The following CRMP1 variants were observed in gnomAD, a reference collection of about 807,000 sequenced individuals.
CRMP1 encodes dihydropyrimidinase-related protein 1.
In CRMP1, 19 loss-of-function variants were observed where a neutral mutation model predicts 68.3. The observed-to-expected ratio is 0.28, with a 90% CI of 0.19 to 0.41. CRMP1 has a LOEUF of 0.41. Among genes scored for constraint, CRMP1 ranks in the 10% least tolerant of loss-of-function variants. The probability of loss-of-function intolerance (pLI) is 1.00; values close to 1 mark genes in which losing one functional copy is unlikely to be tolerated. For synonymous variants in CRMP1, 439 were observed against 399.6 expected (o/e 1.10, Z -1.18); for missense variants, 791 against 967.4 (o/e 0.82, Z 2.42).
At chr4:5,856,968 C>CATCACCACCATCCACTATT (rs1560505808) in intron 3 of CRMP1, among the ~76,000 whole-genome samples, 3 of 146,062 alleles carry the variant, frequency 2.1e-5, no homozygotes, top group African/African-American at 7.8e-5. Flanking sequence ...CATCCACTAT[C>CATCACCACCATCCACTATT]ATCACCACCA....
intron 9 of CRMP1, among the ~76,000 whole-genome samples, chr4:5,837,460 T>TAAA (rs11455180): frequency 0.013 from 1,598 of 124,984 alleles, 41 homozygotes; most frequent in African/African-American, 0.046. Flanking sequence ...TTGTCTCTAC[T>TAAA]AAAAAAAAAA....
chr4:5,868,745 T>C (rs1047716207), intron 1 of CRMP1, among the ~76,000 whole-genome samples: 1 of 152,188 alleles, frequency 6.6e-6, no homozygotes, highest in Non-Finnish European at 1.5e-5. Context: ...GCAATGAACT[T>C]TTTTGTGCAC....
In CRMP1 at chr4:5,821,862, G is replaced by A; in HGVS notation, c.1970-11C>T. 1 of 1,550,610 alleles carries A rather than the reference G, an allele frequency of 6.4e-7. No homozygotes were observed. The highest frequency in any genetic ancestry group is 8.7e-7 in the Non-Finnish European group (1 of 1,153,438). On this transcript the variant is annotated splice_polypyrimidine_tract_variant and intron_variant, in intron 13 of 13. Coordinates refer to ENST00000324989, the MANE Select transcript of CRMP1 (RefSeq NM_001014809.3). This position sits in a 1 kb window ranked among gnomAD's most constrained non-coding sequence, Gnocchi z 4.4. ...CATCTATCTGGGCACCTGAAAGAGA[G>A]CGCCAATCGCTGCTGGATGGGATCT... is the stretch of plus-strand genomic sequence containing the variant.
At chr4:5,828,310 T>C in intron 12 of CRMP1, 179 bp downstream of exon 12, 6 of 984,570 alleles carry the variant, frequency 6.1e-6, no homozygotes, top group Non-Finnish European at 7.2e-6. Context: ...CATTTGATGC[T>C]CACTCCTGTC....
chr4:5,888,941 A>G lies in CRMP1; in HGVS notation c.381+3648T>C, dbSNP rs368062765. ...CCGCTCCCCTCTTGCCTCTCCTTCC[A>G]TAGCCTCCGTTTATCCTTCCCGAGT... On this transcript the variant is annotated intron_variant, in intron 1 of 13. Transcript: ENST00000324989. This position sits in a 1 kb window ranked among gnomAD's most constrained non-coding sequence, Gnocchi z 6.4. Among the ~76,000 whole-genome samples, 10 of 151,776 alleles carry G rather than the reference A, an allele frequency of 6.6e-5. No homozygotes were observed. The highest frequency in any genetic ancestry group is 2.2e-4 in the African/African-American group (9 of 41,306).
At chr4:5,845,549 T>C (rs1577778712) in intron 6 of CRMP1, among the ~76,000 whole-genome samples, 1 of 152,164 alleles carries the variant, frequency 6.6e-6, no homozygotes, top group African/African-American at 2.4e-5. Flanking sequence ...CTTGAGATGC[T>C]CACCGCCCCC....
Position 5,893,009 on chromosome 4 carries a change from CCGCCCG to C in CRMP1, c.-46_-41del. 8.8e-7 allele frequency: 1 copy of C among 1,133,130 alleles called. No homozygotes were observed. The highest frequency in any genetic ancestry group is 1.1e-6 in the Non-Finnish European group (1 of 923,992). 70.2% of individuals were successfully genotyped at this position (1,133,130 alleles called of 1,614,324 possible). On this transcript the variant is annotated 5_prime_UTR_variant, in exon 1 of 14. Coordinates refer to ENST00000324989, the MANE Select transcript of CRMP1 (RefSeq NM_001014809.3). ...GGCCACCCACCGCGCTCCCGCCTGC[CCGCCCG>C]CGGCCCTGGGCACCGCCGTGCGCCG...
chr4:5,822,422 T>C (rs1353072956), intron 13 of CRMP1, among the ~76,000 whole-genome samples: 1 of 151,348 alleles, frequency 6.6e-6, no homozygotes, highest in African/African-American at 2.4e-5. Flanking sequence ...TGCATGTGCA[T>C]ATGTGTGTGC....
intron 1 of CRMP1, among the ~76,000 whole-genome samples, chr4:5,871,259 C>T (rs1265348018): frequency 2.6e-5 from 4 of 152,216 alleles, no homozygotes; most frequent in African/African-American, 9.6e-5. Context: ...AGTTCCTTTG[C>T]CTCTTAAACA....
Position 5,866,577 on chromosome 4 carries a change from T to G in CRMP1, c.470+91A>C, listed in dbSNP as rs777102130. The G allele has an allele frequency of 6.1e-5, 57 of 936,900 alleles. No individual in the cohort carries two copies. The Middle Eastern group carries it at 1.4e-3, about 22-fold the overall frequency. 58.0% of individuals were successfully genotyped at this position (936,900 alleles called of 1,614,324 possible). Reference sequence around the variant, plus strand: ...GAAACACAGGTACACAGCCCCGTCATTCTAGGACAGAATGCCAGCCTTCTG... The same window carrying G: ...GAAACACAGGTACACAGCCCCGTCAGTCTAGGACAGAATGCCAGCCTTCTG... On this transcript the variant is annotated intron_variant, in intron 2 of 13. Coordinates refer to ENST00000324989, the MANE Select transcript of CRMP1 (RefSeq NM_001014809.3). The surrounding 1 kb of genome is among the most constrained non-coding windows in gnomAD (Gnocchi z 5.9).
At chr4:5,824,620 A>T (rs1388361437) in intron 13 of CRMP1, 1 of 950,502 alleles carries the variant, frequency 1.1e-6, no homozygotes, top group African/African-American at 1.8e-5. Flanking sequence ...ATGACCTGAG[A>T]ATAGTTTGTA....
At position 5,892,662 on chromosome 4, in the gene CRMP1, T is replaced by C; in HGVS notation, c.308A>G (p.Asp103Gly). Residue 103 changes from aspartate to glycine, a missense_variant, in exon 1 of 14, where the codon GAC becomes GGC. Around this residue, in one of 3 missense-constraint regions of CRMP1, gnomAD observed 193 missense variants for 186.3 expected, o/e 1.04. Transcript: ENST00000324989. This position sits in a 1 kb window ranked among gnomAD's most constrained non-coding sequence, Gnocchi z 8.6. ...GSAVSSPGERDERPPTLRIRR... is the reference protein window; with the variant it reads ...GSAVSSPGERGERPPTLRIRR... ...GATGCGCAGCGTCGGCGGCCGCTCG[T>C]CGCGCTCTCCGGGAGAGCTGACCGC... The C allele has an allele frequency of 8.4e-7, 1 of 1,194,136 alleles. No individual in the cohort carries two copies. The highest frequency in any genetic ancestry group is 1.0e-6 in the Non-Finnish European group (1 of 963,808). The allele number at this position is 1,194,136 out of a possible 1,614,324, so 74.0% of individuals were successfully genotyped here.
In CRMP1 at chr4:5,838,700, G is replaced by T. The variant is rs76301144; in HGVS notation, c.1310+822C>A. Among the ~76,000 whole-genome samples the T allele has an allele frequency of 0.059, 8,965 of 152,226 alleles. 311 individuals carry two copies. The highest frequency in any genetic ancestry group is 0.096 in the African/African-American group (3,970 of 41,534). ...AGATGTTGAGTAAGCCCTTGGCTAC[G>T]CTAGTCAAAGGTTTCTGTATCATCA... is the stretch of plus-strand genomic sequence containing the variant. On this transcript the variant is annotated intron_variant, in intron 9 of 13. Transcript: ENST00000324989. The surrounding 1 kb of genome is among the most constrained non-coding windows in gnomAD (Gnocchi z 4.9).
Position 5,881,505 on chromosome 4 carries a change from C to T in CRMP1, c.381+11084G>A, listed in dbSNP as rs757597922. On this transcript the variant is annotated intron_variant, in intron 1 of 13. Transcript: ENST00000324989. This position sits in a 1 kb window ranked among gnomAD's most constrained non-coding sequence, Gnocchi z 4.6. ...GTGTGACTGTAGCTGTCTTACAGGT[C>T]TATCATAGCTCTGATTGCACTTGGT... 5.0e-4 allele frequency among the ~76,000 whole-genome samples: 76 copies of T among 152,174 alleles called. No homozygotes were observed. Among genetic ancestry groups the T allele is most frequent in the Non-Finnish European group, 4.3e-4 (29 of 68,026 alleles).
intron 12 of CRMP1, among the ~76,000 whole-genome samples, chr4:5,827,618 G>A (rs951231672): frequency 1.5e-4 from 22 of 151,652 alleles, no homozygotes; most frequent in South Asian, 6.3e-4. Flanking sequence ...ATACACACAC[G>A]CGCACACACA....
Position 5,860,743 on chromosome 4 carries a change from C to T in CRMP1, c.655+283G>A, listed in dbSNP as rs184876317. Among the ~76,000 whole-genome samples, 218 of 151,918 alleles carry T rather than the reference C, an allele frequency of 1.4e-3. No homozygotes were observed. Among genetic ancestry groups the T allele is most frequent in the African/African-American group, 3.0e-3 (124 of 41,386 alleles). ...AATGTGACTTCAGTCTCATGCTAAGCGATTATATCAATGAGATGTTGTTTT... is the reference window on the plus strand; with the variant it reads ...AATGTGACTTCAGTCTCATGCTAAGTGATTATATCAATGAGATGTTGTTTT... On this transcript the variant is annotated intron_variant, in intron 3 of 13. Transcript: ENST00000324989. This position sits in a 1 kb window ranked among gnomAD's most constrained non-coding sequence, Gnocchi z 4.2.
At chr4:5,830,090 G>GTGAC (rs1720254892) in intron 11 of CRMP1, among the ~76,000 whole-genome samples, 1 of 152,212 alleles carries the variant, frequency 6.6e-6, no homozygotes, top group Non-Finnish European at 1.5e-5. Flanking sequence ...ATTTGCATCT[G>GTGAC]TGACTGAGAC....
Position 5,890,055 on chromosome 4 carries a change from G to T in CRMP1, c.381+2534C>A. ...CTGTTTACAACTCATTTCCCTCCAC[G>T]CATTCATGCATCCCTGGCTCTCAGC... On this transcript the variant is annotated intron_variant, in intron 1 of 13. Coordinates refer to ENST00000324989, the MANE Select transcript of CRMP1 (RefSeq NM_001014809.3). The surrounding 1 kb of genome is among the most constrained non-coding windows in gnomAD (Gnocchi z 5.5). 1 of 474,876 alleles carries T rather than the reference G, an allele frequency of 2.1e-6. No individual in the cohort carries two copies. The highest frequency in any genetic ancestry group is 2.9e-6 in the Non-Finnish European group (1 of 341,316). The allele number at this position is 474,876 out of a possible 1,614,324, so 29.4% of individuals were successfully genotyped here. A position where few individuals can be genotyped will look rare whatever the true frequency, so the allele number is the denominator to read the frequency against.
At chr4:5,849,351 A>C (rs761900887) in intron 6 of CRMP1, 41 bp downstream of exon 6, 10 of 1,507,478 alleles carry the variant, frequency 6.6e-6, no homozygotes, top group Non-Finnish European at 7.4e-6. Context: ...AACAAGGAGA[A>C]TCAGACTGAG....
Sources: gnomAD v4.1 joint callset for allele counts (sites outside exome capture counted in the v4.1 genomes callset) on GRCh38, gnomAD v4.1.1 for gene constraint, gnomAD v4.1.1 regional missense constraint, Gnocchi (gnomAD v3.1) non-coding constraint, MANE v1.5 for transcripts, NCBI Gene and HGNC (gene_info 2026-07-23, HGNC 2026-07-21) for gene names.